The following USP37 variants were observed in gnomAD, a reference collection of about 807,000 sequenced individuals.
The protein encoded by USP37 is ubiquitin specific peptidase 37.
In USP37, 27 loss-of-function variants were observed where a neutral mutation model predicts 124.0. That is an observed-to-expected ratio of 0.22 (90% CI 0.16 to 0.30). The LOEUF (loss-of-function observed/expected upper bound fraction) is 0.30, where lower values mean the gene tolerates loss of function less well. Ranked by LOEUF, USP37 falls within the 10% of genes least tolerant of loss-of-function variation. The pLI is 1.00. For synonymous variants in USP37, 365 were observed against 388.0 expected (o/e 0.94, Z 0.70); for missense variants, 889 against 1,140.4 (o/e 0.78, Z 3.17).
chr2:218,509,525 G>C (rs1481168567), intron 11 of USP37, among the ~76,000 whole-genome samples: 2 of 151,940 alleles, frequency 1.3e-5, no homozygotes, highest in African/African-American at 4.8e-5. Flanking sequence ...GAGGAGGGAG[G>C]ACTGCTTGAG....
chr2:218,473,275 A>C (rs1227313823), intron 20 of USP37: 1 of 152,232 alleles, frequency 6.6e-6, no homozygotes, highest in African/African-American at 2.4e-5. Context: ...AGCAGGAAAT[A>C]AATCAGGAAG....
At chr2:218,505,923 G>C (rs1273516087) in intron 11 of USP37, among the ~76,000 whole-genome samples, 1 of 151,906 alleles carries the variant, frequency 6.6e-6, no homozygotes, top group Non-Finnish European at 1.5e-5. Flanking sequence ...GGAGTGCAGT[G>C]GACTATCATG....
intron 16 of USP37, among the ~76,000 whole-genome samples, chr2:218,483,613 AAAAG>A (rs1344238431): frequency 6.6e-6 from 1 of 151,936 alleles, no homozygotes; most frequent in Non-Finnish European, 1.5e-5. Flanking sequence ...AAAAAGAAAA[AAAAG>A]AAAGAAAAAC....
In USP37 at chr2:218,480,378, G is replaced by A. The variant is rs148846236; in HGVS notation, c.1836-663C>T. ...TGCGCCACTGCACTCCAGCCTGGGCGACAGAGCGAGACTCCGTCTCAAAAA... is the reference window on the plus strand; with the variant it reads ...TGCGCCACTGCACTCCAGCCTGGGCAACAGAGCGAGACTCCGTCTCAAAAA... On this transcript the variant is annotated intron_variant, in intron 17 of 25. Coordinates refer to ENST00000258399, the MANE Select transcript of USP37 (RefSeq NM_020935.3). 7.4e-3 allele frequency among the ~76,000 whole-genome samples: 896 copies of A among 121,190 alleles called. 9 individuals carry two copies. Among genetic ancestry groups the A allele is most frequent in the African/African-American group, 0.026 (854 of 33,478 alleles). The allele number at this position is 121,190 out of a possible 152,430, so 79.5% of individuals were successfully genotyped here.
intron 20 of USP37, among the ~76,000 whole-genome samples, chr2:218,469,473 T>C (rs990106882): frequency 1.3e-5 from 2 of 152,194 alleles, no homozygotes; most frequent in Non-Finnish European, 2.9e-5. Context: ...ATATTGCTAT[T>C]TTAGAGTATA....
chr2:218,550,109 C>T (rs2106048424), intron 5 of USP37, among the ~76,000 whole-genome samples, 200 bp from the exon 6 acceptor site: 1 of 151,910 alleles, frequency 6.6e-6, no homozygotes, highest in African/African-American at 2.4e-5. Flanking sequence ...GAGCTAGAAT[C>T]TGAAGCAAAA....
At chr2:218,469,353 T>C (rs1054646219) in intron 20 of USP37, among the ~76,000 whole-genome samples, 1 of 152,292 alleles carries the variant, frequency 6.6e-6, no homozygotes, top group African/African-American at 2.4e-5. Flanking sequence ...GAACTGGGAA[T>C]GGATTATTTG....
chr2:218,475,066 T>C (rs1690892305), intron 19 of USP37, 181 bp from the exon 20 acceptor site: 1 of 458,566 alleles, frequency 2.2e-6, no homozygotes, highest in South Asian at 6.3e-5. Flanking sequence ...AAATAATAAA[T>C]ACATAAGAAT....
intron 23 of USP37, among the ~76,000 whole-genome samples, chr2:218,458,542 T>G (rs1456931071): frequency 6.6e-6 from 1 of 151,668 alleles, no homozygotes; most frequent in Non-Finnish European, 1.5e-5. Flanking sequence ...GTCACTGCAC[T>G]CCAGCCTGGG....
rs530784445 is a variant in USP37, at chr2:218,459,881, G to A, written c.2552C>T (p.Ala851Val). 6.2e-7 allele frequency: 1 copy of A among 1,613,528 alleles called. No individual in the cohort carries two copies. Among genetic ancestry groups the A allele is most frequent in the Admixed American group, 1.7e-5 (1 of 59,944 alleles). The change falls in exon 23 of 26, where the codon GCA becomes GTA. Residue 851 changes from alanine to valine, a missense_variant. This residue lies in a region of USP37 where 504 missense variants were observed against 714.3 expected (regional missense o/e 0.71). Transcript: ENST00000258399. ...TCCAGAGTCCTCATCAGAACCCAAT[G>A]CATCCACAAAGGAGTTGTTAAACTC... The part of the protein sequence containing the change: ...LQEFNNSFVD[A>V]LGSDEDSGNE...
chr2:218,529,241 C>T (rs1434886319), intron 10 of USP37, among the ~76,000 whole-genome samples: 1 of 152,188 alleles, frequency 6.6e-6, no homozygotes, highest in African/African-American at 2.4e-5. Context: ...TGCGATGGCT[C>T]ACGCCTATAA....
intron 23 of USP37, among the ~76,000 whole-genome samples, chr2:218,459,081 A>T (rs199561023): frequency 1.9e-4 from 1 of 5,214 alleles, no homozygotes; most frequent in South Asian, 0.25. Flanking sequence ...AAAAAGGGTT[A>T]AAAAAAAAAA....
intron 11 of USP37, among the ~76,000 whole-genome samples, chr2:218,500,059 G>A (rs1353785784): frequency 6.6e-6 from 1 of 151,930 alleles, no homozygotes; most frequent in Non-Finnish European, 1.5e-5. Context: ...GTGAGCCACT[G>A]CACCCAGCCT....
chr2:218,478,346 C>T (rs1256104103), intron 18 of USP37, among the ~76,000 whole-genome samples: 1 of 152,146 alleles, frequency 6.6e-6, no homozygotes, highest in Non-Finnish European at 1.5e-5. Context: ...TTCACGCTCA[C>T]CAAGCAAACC....
At chr2:218,515,080 G>GA (rs2106007873) in intron 10 of USP37, among the ~76,000 whole-genome samples, 1 of 152,184 alleles carries the variant, frequency 6.6e-6, no homozygotes, top group East Asian at 1.9e-4. Flanking sequence ...TCTAGCCCTG[G>GA]AATCAACTAT....
At chr2:218,546,177 A>G in intron 8 of USP37, 44 bp downstream of exon 8, 1 of 1,485,936 alleles carries the variant, frequency 6.7e-7, no homozygotes, top group Admixed American at 2.0e-5. Context: ...TACCAATATA[A>G]GAAACACTGC....
intron 6 of USP37, among the ~76,000 whole-genome samples, chr2:218,547,758 G>A (rs1426622028): frequency 2.6e-5 from 4 of 152,118 alleles, no homozygotes; most frequent in African/African-American, 7.2e-5. Flanking sequence ...CTCTTGAGAG[G>A]GTTCTAGTTT....
At chr2:218,487,076 A>G (rs941387518) in intron 15 of USP37, among the ~76,000 whole-genome samples, 6 of 152,060 alleles carry the variant, frequency 3.9e-5, no homozygotes, top group Non-Finnish European at 5.9e-5. Context: ...ATTTGCTACA[A>G]CACAACAAGG....
intron 4 of USP37, among the ~76,000 whole-genome samples, chr2:218,554,673 G>A (rs960912367): frequency 2.0e-5 from 3 of 151,840 alleles, no homozygotes; most frequent in Non-Finnish European, 4.4e-5. Context: ...CTCGAACCCA[G>A]GAAGTGGAGG....
Sources: allele counts gnomAD v4.1 joint callset (sites outside exome capture counted in the v4.1 genomes callset), GRCh38; gene constraint gnomAD v4.1.1; regional missense constraint gnomAD v4.1.1; transcripts MANE v1.5; gene names NCBI Gene and HGNC (gene_info 2026-07-23, HGNC 2026-07-21).